N4BP2L2: variants seen among roughly 807,000 people sequenced by gnomAD.
N4BP2L2 encodes the protein NEDD4-binding protein 2-like 2.
A neutral mutation model predicts 56.2 loss-of-function variants in N4BP2L2; 50 were observed. The observed-to-expected ratio is 0.89, with a 90% CI of 0.71 to 1.13. The LOEUF (loss-of-function observed/expected upper bound fraction) is 1.13. Ranked by LOEUF, N4BP2L2 falls within the 50% of genes most tolerant of loss-of-function variation. N4BP2L2 has a pLI of 0.00. For synonymous variants in N4BP2L2, 203 were observed against 223.6 expected (o/e 0.91, Z 0.82); for missense variants, 689 against 693.8 (o/e 0.99, Z 0.08).
intron 6 of N4BP2L2, among the ~76,000 whole-genome samples, chr13:32,445,389 T>G (rs747642016): frequency 6.6e-6 from 1 of 152,240 alleles, no homozygotes; most frequent in Non-Finnish European, 1.5e-5. Flanking sequence ...ATGTGGTGCA[T>G]GACTATATAC....
chr13:32,450,779 C>T (rs1264880644), intron 6 of N4BP2L2, among the ~76,000 whole-genome samples: 1 of 152,012 alleles, frequency 6.6e-6, no homozygotes, highest in East Asian at 1.9e-4. Flanking sequence ...TACAGCAGCG[C>T]CACCATGCCT....
intron 6 of N4BP2L2, chr13:32,477,713 C>A (rs1282773270): frequency 9.5e-6 from 4 of 420,282 alleles, no homozygotes; most frequent in African/African-American, 4.2e-5. Context: ...TAGACCTAAT[C>A]GTCATTTCTT....
At chr13:32,520,373 G>A (rs1170522348) in intron 5 of N4BP2L2, among the ~76,000 whole-genome samples, 3 of 140,210 alleles carry the variant, frequency 2.1e-5, no homozygotes, top group African/African-American at 5.0e-5. Context: ...AAAAAAAAAA[G>A]GCCAGGCGTG....
chr13:32,455,280 G>T (rs1047634990), intron 6 of N4BP2L2, among the ~76,000 whole-genome samples: 2 of 152,148 alleles, frequency 1.3e-5, no homozygotes, highest in African/African-American at 4.8e-5. Context: ...TGGGGCATGC[G>T]CAGTGTACCA....
At chr13:32,500,578 C>T (rs1043523615) in intron 6 of N4BP2L2, among the ~76,000 whole-genome samples, 1 of 145,870 alleles carries the variant, frequency 6.9e-6, no homozygotes, top group Non-Finnish European at 1.5e-5. Context: ...AATAGCCAGG[C>T]ATGGTGGCAC....
chr13:32,501,641 C>T (rs968371944), intron 6 of N4BP2L2, among the ~76,000 whole-genome samples: 1 of 151,840 alleles, frequency 6.6e-6, no homozygotes, highest in Non-Finnish European at 1.5e-5. Flanking sequence ...GGTGAAACCC[C>T]GTCTCTACTA....
intron 6 of N4BP2L2, among the ~76,000 whole-genome samples, chr13:32,479,773 C>T (rs965125259): frequency 4.6e-5 from 7 of 151,522 alleles, no homozygotes; most frequent in African/African-American, 1.7e-4. Context: ...ATCCAGAAAG[C>T]AGCAATAAGA....
At chr13:32,533,515 ATTTTT>A (rs766383227) in intron 2 of N4BP2L2, among the ~76,000 whole-genome samples, 7,659 of 122,152 alleles carry the variant, frequency 0.063, 194 homozygotes, top group East Asian at 0.19. Flanking sequence ...AGCATTACTA[ATTTTT>A]TTTTTTTTTT....
chr13:32,522,192 T>C, exon 4 of N4BP2L2: 1 of 1,548,592 alleles, frequency 6.5e-7, no homozygotes. Flanking sequence ...CACTTCCACA[T>C]ATGGCTTCAT....
chr13:32,477,089 T>C (rs1417505843), intron 6 of N4BP2L2, among the ~76,000 whole-genome samples: 1 of 152,150 alleles, frequency 6.6e-6, no homozygotes, highest in African/African-American at 2.4e-5. Flanking sequence ...GAGCTCTGCC[T>C]GAGGGGATTA....
chr13:32,436,251 T>C lies in N4BP2L2; in HGVS notation c.*21+110A>G, dbSNP rs1163096521. ...CTATGGTAACAAACTTCATTTTTTA[T>C]ATTTTACTCTCCAGTCGTGCTATAA... On this transcript the variant is annotated intron_variant, in intron 9 of 9. Coordinates refer to the N4BP2L2 transcript ENST00000357505. The C allele has an allele frequency of 4.2e-5, 20 of 472,146 alleles. No individual in the cohort carries two copies. In the East Asian group the frequency reaches 7.9e-4, roughly 19 times the overall value. 29.2% of individuals were successfully genotyped at this position (472,146 alleles called of 1,614,324 possible). A position where few individuals can be genotyped will look rare whatever the true frequency, so the allele number is the denominator to read the frequency against.
chr13:32,482,828 GTGTTT>G (rs1375117944), intron 6 of N4BP2L2, among the ~76,000 whole-genome samples: 2 of 152,254 alleles, frequency 1.3e-5, no homozygotes, highest in African/African-American at 4.8e-5. Context: ...GAATGTTTAG[GTGTTT>G]TGTTTTGGCT....
chr13:32,513,827 C>T (rs2048635711), exon 6 of N4BP2L2: 1 of 152,094 alleles, frequency 6.6e-6, no homozygotes, highest in African/African-American at 2.4e-5. Context: ...ATACATTAAA[C>T]TTCAATAAAG....
At chr13:32,456,212 A>G (rs2138591992) in intron 6 of N4BP2L2, among the ~76,000 whole-genome samples, 1 of 152,326 alleles carries the variant, frequency 6.6e-6, no homozygotes, top group East Asian at 1.9e-4. Flanking sequence ...AAACCTCATC[A>G]CAACTTCCAC....
In N4BP2L2 at chr13:32,496,212, T is replaced by A. The variant is rs116830113; in HGVS notation, c.365+21645A>T. 3.0e-3 allele frequency among the ~76,000 whole-genome samples: 443 copies of A among 148,482 alleles called. 11 individuals are homozygous for A. The East Asian group carries it at 0.059, about 20-fold the overall frequency. On this transcript the variant is annotated intron_variant, in intron 6 of 9. Transcript: ENST00000357505. ...CCAAGCTACCTATTTTTTATTTTTT[T>A]TTTTTTACCCCTTCTGACATATCTG... is the stretch of plus-strand genomic sequence containing the variant.
chr13:32,468,985 C>G (rs892450669), intron 6 of N4BP2L2, among the ~76,000 whole-genome samples: 1 of 152,172 alleles, frequency 6.6e-6, no homozygotes, highest in Non-Finnish European at 1.5e-5. Flanking sequence ...TAAAGGTAGA[C>G]AGTGTAAGAG....
chr13:32,448,504 A>C (rs2077371480), intron 6 of N4BP2L2, among the ~76,000 whole-genome samples: 1 of 152,192 alleles, frequency 6.6e-6, no homozygotes, highest in African/African-American at 2.4e-5. Context: ...TATGATGAGT[A>C]AGATTTTGCT....
intron 6 of N4BP2L2, among the ~76,000 whole-genome samples, chr13:32,501,704 A>G (rs1016741565): frequency 4.6e-5 from 7 of 151,832 alleles, no homozygotes; most frequent in African/African-American, 1.7e-4. Context: ...AGTCTCAGCT[A>G]CTCGGGAGGC....
At chr13:32,432,943 C>T (rs1340553072) in exon 10 of N4BP2L2, 1 of 152,222 alleles carries the variant, frequency 6.6e-6, no homozygotes, top group African/African-American at 2.4e-5. Flanking sequence ...TCATGATCTT[C>T]AGCAGTACCA....
Sources: gnomAD v4.1 joint callset for allele counts (sites outside exome capture counted in the v4.1 genomes callset) on GRCh38, gnomAD v4.1.1 for gene constraint, MANE v1.5 for transcripts, NCBI Gene and HGNC (gene_info 2026-07-23, HGNC 2026-07-21) for gene names.